FAM171A1: variants seen among roughly 807,000 people sequenced by gnomAD.
The protein encoded by FAM171A1 is family with sequence similarity 171 member A1.
A neutral mutation model predicts 74.9 loss-of-function variants in FAM171A1; 23 were observed. That is an observed-to-expected ratio of 0.31 (90% CI 0.22 to 0.44). FAM171A1 has a LOEUF of 0.44. Ranked by LOEUF, FAM171A1 falls within the 20% of genes least tolerant of loss-of-function variation. The pLI, the probability that FAM171A1 is intolerant of heterozygous loss-of-function variation, is 1.00. For missense variants in FAM171A1, 1,162 were observed against 1,159.2 expected, an observed-to-expected ratio of 1.00 and a Z score of -0.03; for synonymous variants, 527 against 505.7, an observed-to-expected ratio of 1.04 and a Z score of -0.57.
intron 1 of FAM171A1, among the ~76,000 whole-genome samples, chr10:15,308,837 T>C (rs1835326699): frequency 2.0e-5 from 3 of 152,080 alleles, no homozygotes; most frequent in African/African-American, 7.2e-5. Flanking sequence ...AACTAATTTT[T>C]GCATTTTTAG....
chr10:15,213,224 G>C lies in FAM171A1; in HGVS notation c.2364C>G (p.Leu788=), dbSNP rs747095366. Residue 788 remains leucine (L), a synonymous_variant, in exon 8 of 8, where the codon CTC becomes CTG. Transcript: ENST00000378116. The surrounding 1 kb of genome is among the most constrained non-coding windows in gnomAD (Gnocchi z 6.8). The stretch of plus-strand genomic sequence containing the variant: ...TCTGTTCCACGTCATCCAGGTACAC[G>C]AGCTGCGTGTAGGCCGTGCTGTCTG... ...RAPDSTAYTQ[L]VYLDDVEQSG... is the part of the protein sequence containing the mutation. 3.1e-6 allele frequency: 5 copies of C among 1,614,078 alleles called. No individual in the cohort carries two copies. In the South Asian group the frequency reaches 5.5e-5, roughly 18 times the overall value.
At chr10:15,259,428 C>T (rs1159965778) in intron 3 of FAM171A1, among the ~76,000 whole-genome samples, 1 of 152,070 alleles carries the variant, frequency 6.6e-6, no homozygotes, top group Non-Finnish European at 1.5e-5. Flanking sequence ...ATCTCTCCCA[C>T]TTACCAAATT....
Position 15,214,304 on chromosome 10 carries a change from C to T in FAM171A1, c.1284G>A (p.Arg428=). Residue 428 remains arginine (R), a synonymous_variant, in exon 8 of 8, where the codon CGG becomes CGA. Coordinates refer to ENST00000378116, the MANE Select transcript of FAM171A1 (RefSeq NM_001010924.2). The part of the protein sequence containing the change: ...SYSTSQEFSS[R]EELLSCKEED... ...CTTCCTTGCAAGAGAGGAGCTCCTCCCGGGAGCTAAATTCCTGGGAGGTGC... is the reference window on the plus strand; with the variant it reads ...CTTCCTTGCAAGAGAGGAGCTCCTCTCGGGAGCTAAATTCCTGGGAGGTGC... The T allele has an allele frequency of 2.5e-6, 4 of 1,613,252 alleles. No individual in the cohort carries two copies. The highest frequency in any genetic ancestry group is 1.1e-5 in the South Asian group (1 of 90,974).
At chr10:15,217,263 G>C (rs2131706490) in intron 6 of FAM171A1, among the ~76,000 whole-genome samples, 1 of 152,280 alleles carries the variant, frequency 6.6e-6, no homozygotes, top group African/African-American at 2.4e-5. Flanking sequence ...CAATATTTAG[G>C]TATTTATTGG....
chr10:15,322,892 C>A lies in FAM171A1; in HGVS notation c.98-38787G>T, dbSNP rs182993831. 6.6e-5 allele frequency among the ~76,000 whole-genome samples: 10 copies of A among 152,320 alleles called. No individual in the cohort carries two copies. The East Asian group carries it at 1.9e-3, about 29-fold the overall frequency. The stretch of plus-strand genomic sequence containing the variant: ...CAGTGACTCATGTCTGTAATCCCAG[C>A]ACTTTGGGAGGCCCAGGTGGGTGGA... On this transcript the variant is annotated intron_variant, in intron 1 of 7. Transcript: ENST00000378116.
intron 3 of FAM171A1, among the ~76,000 whole-genome samples, chr10:15,263,437 A>G (rs1004611794): frequency 1.3e-5 from 2 of 152,258 alleles, no homozygotes; most frequent in Non-Finnish European, 2.9e-5. Flanking sequence ...AATGATTCGT[A>G]TAATTTACGA....
In FAM171A1 at chr10:15,351,399, T is replaced by A. The variant is rs944709551; in HGVS notation, c.97+19557A>T. Among the ~76,000 whole-genome samples the A allele has an allele frequency of 6.7e-4, 102 of 152,306 alleles. 1 individual carries two copies. Among genetic ancestry groups the A allele is most frequent in the African/African-American group, 2.4e-3 (100 of 41,568 alleles). ...CCACGCTGCAGCAGCCAAATGACTT[T>A]GAGCACCTTTTCTTGGTCTAAAAAA... On this transcript the variant is annotated intron_variant, in intron 1 of 7. Coordinates refer to ENST00000378116, the MANE Select transcript of FAM171A1 (RefSeq NM_001010924.2).
Position 15,254,860 on chromosome 10 carries a change from G to A in FAM171A1, c.438C>T (p.Arg146=), listed in dbSNP as rs755898894. 7 of 1,613,706 alleles carry A rather than the reference G, an allele frequency of 4.3e-6. No individual in the cohort carries two copies. Among genetic ancestry groups the A allele is most frequent in the Admixed American group, 3.3e-5 (2 of 60,004 alleles). Residue 146 remains arginine, a synonymous_variant, in exon 4 of 8, where the codon CGC becomes CGT. Coordinates refer to ENST00000378116, the MANE Select transcript of FAM171A1 (RefSeq NM_001010924.2). ...SGFQGARPQP[R]VHFQRRALRL... is the part of the protein sequence containing the mutation. ...TCAGAGCCCTTCTCTGGAAATGAAC[G>A]CGAGGCTGTGGCCGGGCACCTGCAG...
At chr10:15,370,470 A>C (rs1836126580) in intron 1 of FAM171A1, among the ~76,000 whole-genome samples, 2 of 150,828 alleles carry the variant, frequency 1.3e-5, no homozygotes, top group African/African-American at 4.8e-5. Flanking sequence ...CCGGGGCGTC[A>C]GCCACCCCCT....
chr10:15,335,701 GACTCC>G (rs1835692202), intron 1 of FAM171A1, among the ~76,000 whole-genome samples: 1 of 152,166 alleles, frequency 6.6e-6, no homozygotes, highest in African/African-American at 2.4e-5. Flanking sequence ...TTTCAGGCTA[GACTCC>G]AGAACACATT....
At chr10:15,332,857 C>T (rs544899602) in intron 1 of FAM171A1, among the ~76,000 whole-genome samples, 8 of 152,164 alleles carry the variant, frequency 5.3e-5, no homozygotes, top group Non-Finnish European at 8.8e-5. Flanking sequence ...GCTCGGAATC[C>T]CTGGGCAATC....
In FAM171A1 at chr10:15,213,636, G is replaced by C. The variant is rs868766949; in HGVS notation, c.1952C>G (p.Ala651Gly). Residue 651 changes from alanine to glycine, a missense_variant, in exon 8 of 8, where the codon GCG becomes GGG. Coordinates refer to ENST00000378116, the MANE Select transcript of FAM171A1 (RefSeq NM_001010924.2). The surrounding 1 kb of genome is among the most constrained non-coding windows in gnomAD (Gnocchi z 6.8). The stretch of plus-strand genomic sequence containing the variant: ...CTGAGGGCTCCACTCCCGGGTGCCC[G>C]CATCCTGCAGGTGCTGCTGAGAGAT... ...QAISQQHLQD[A>G]GTREWSPQNA... is the part of the protein sequence containing the mutation. 1 of 1,613,914 alleles carries C rather than the reference G, an allele frequency of 6.2e-7. No homozygotes were observed. The highest frequency in any genetic ancestry group is 8.5e-7 in the Non-Finnish European group (1 of 1,179,976).
intron 1 of FAM171A1, among the ~76,000 whole-genome samples, chr10:15,343,101 C>T (rs1280473268): frequency 6.6e-6 from 1 of 152,210 alleles, no homozygotes. Context: ...GCAGGGCCCA[C>T]CAGACCAAGT....
intron 1 of FAM171A1, among the ~76,000 whole-genome samples, chr10:15,364,153 A>G (rs1312758237): frequency 1.6e-5 from 1 of 61,844 alleles, no homozygotes; most frequent in Non-Finnish European, 4.4e-5. Context: ...ACTAACAGAT[A>G]TGTTTCAACA....
In FAM171A1 at chr10:15,213,044, G is replaced by C; in HGVS notation, c.2544C>G (p.Ala848=). 1 of 1,613,884 alleles carries C rather than the reference G, an allele frequency of 6.2e-7. No individual in the cohort carries two copies. The highest frequency in any genetic ancestry group is 8.5e-7 in the Non-Finnish European group (1 of 1,179,974). The change falls in exon 8 of 8, where the codon GCC becomes GCG. Residue 848 remains alanine, a synonymous_variant. Coordinates refer to ENST00000378116, the MANE Select transcript of FAM171A1 (RefSeq NM_001010924.2). This position sits in a 1 kb window ranked among gnomAD's most constrained non-coding sequence, Gnocchi z 6.8. ...GGGCAGATCTTCTCTGGTGGGGGCT[G>C]GCTGCTGGCTCCGAGGGGGCATCCG... The part of the protein sequence containing the change: ...RTADAPSEPA[A]SPHQRRSAHE...
intron 1 of FAM171A1, among the ~76,000 whole-genome samples, chr10:15,346,660 T>G (rs1398723274): frequency 6.6e-6 from 1 of 152,186 alleles, no homozygotes; most frequent in African/African-American, 2.4e-5. Context: ...GAGTGACTCT[T>G]CTAATACAGA....
At chr10:15,240,730 T>C (rs979502828) in intron 5 of FAM171A1, 2 of 985,138 alleles carry the variant, frequency 2.0e-6, no homozygotes, top group African/African-American at 3.5e-5. Flanking sequence ...ATGGATATAC[T>C]GAGTTAGTGT....
intron 5 of FAM171A1, among the ~76,000 whole-genome samples, chr10:15,236,183 T>C (rs1169484869): frequency 6.6e-6 from 1 of 151,730 alleles, no homozygotes. Context: ...TCAGACTGGA[T>C]GGCAGGGCCA....
chr10:15,265,466 T>A (rs1285680581), intron 3 of FAM171A1, among the ~76,000 whole-genome samples: 1 of 147,492 alleles, frequency 6.8e-6, no homozygotes, highest in Non-Finnish European at 1.5e-5. Flanking sequence ...TACAAAAAAA[T>A]TGGCCAGACT....
Sources: gnomAD v4.1 joint callset for allele counts (sites outside exome capture counted in the v4.1 genomes callset) on GRCh38, gnomAD v4.1.1 for gene constraint, Gnocchi (gnomAD v3.1) non-coding constraint, MANE v1.5 for transcripts, NCBI Gene and HGNC (gene_info 2026-07-23, HGNC 2026-07-21) for gene names.